The following MAP2K4 variants were observed in gnomAD, a reference collection of about 807,000 sequenced individuals.
MAP2K4 encodes mitogen-activated protein kinase kinase 4.
A neutral mutation model predicts 48.5 loss-of-function variants in MAP2K4; 4 were observed. The ratio of observed to expected loss-of-function variants is 0.08; its 90% CI spans 0.04 to 0.19. MAP2K4 has a LOEUF of 0.19. MAP2K4 is among the 10% of genes least tolerant of loss of function. The pLI, the probability that MAP2K4 is intolerant of heterozygous loss-of-function variation, is 1.00. For synonymous variants in MAP2K4, 166 were observed against 173.1 expected (o/e 0.96, Z 0.32); for missense variants, 258 against 493.3 (o/e 0.52, Z 4.52).
At chr17:12,137,264 G>A (rs1973238442) in intron 9 of MAP2K4, among the ~76,000 whole-genome samples, 2 of 152,168 alleles carry the variant, frequency 1.3e-5, no homozygotes, top group South Asian at 4.1e-4. Flanking sequence ...CATAATTCTT[G>A]AATACTGAAG....
intron 3 of MAP2K4, among the ~76,000 whole-genome samples, chr17:12,094,488 CAA>C (rs973082495): frequency 7.9e-5 from 12 of 152,266 alleles, no homozygotes; most frequent in Admixed American, 3.9e-4. Flanking sequence ...CTTTGGAAGA[CAA>C]AATGCCACCT....
intron 7 of MAP2K4, among the ~76,000 whole-genome samples, chr17:12,116,811 C>T (rs1381177987): frequency 1.3e-5 from 2 of 152,100 alleles, no homozygotes; most frequent in Non-Finnish European, 2.9e-5. Context: ...CTGCCAGAAG[C>T]TGTTGATAAC....
chr17:12,098,438 G>A (rs867713867), intron 4 of MAP2K4, among the ~76,000 whole-genome samples: 1 of 149,366 alleles, frequency 6.7e-6, no homozygotes, highest in Non-Finnish European at 1.5e-5. Context: ...AGATCATGCC[G>A]CTGCAGTCCA....
At position 12,079,419 on chromosome 17, in the gene MAP2K4, A is replaced by G. The variant is rs933048841; in HGVS notation, c.219-1937A>G. 5.3e-5 allele frequency among the ~76,000 whole-genome samples: 8 copies of G among 152,182 alleles called. No individual in the cohort carries two copies. In the East Asian group the frequency reaches 5.8e-4, roughly 11 times the overall value. ...ATGCTAGCATAAGTATTATATAGCA[A>G]TGTAGTCATGAGAGTCATATTATAT... is the stretch of plus-strand genomic sequence containing the variant. On this transcript the variant is annotated intron_variant, in intron 2 of 10. Coordinates refer to ENST00000353533, the MANE Select transcript of MAP2K4 (RefSeq NM_003010.4).
chr17:12,030,828 T>A (rs1000001575), intron 1 of MAP2K4, among the ~76,000 whole-genome samples: 2 of 152,164 alleles, frequency 1.3e-5, no homozygotes, highest in Non-Finnish European at 2.9e-5. Flanking sequence ...TGCTTTAAAG[T>A]TGTTTGTTTC....
At chr17:12,082,812 AC>A (rs1971235792) in intron 3 of MAP2K4, among the ~76,000 whole-genome samples, 1 of 152,246 alleles carries the variant, frequency 6.6e-6, no homozygotes, top group South Asian at 2.1e-4. Flanking sequence ...TTGTATACAA[AC>A]CGTAGACCTC....
intron 1 of MAP2K4, among the ~76,000 whole-genome samples, chr17:12,033,159 A>T (rs542586085): frequency 6.6e-6 from 1 of 152,290 alleles, no homozygotes; most frequent in Admixed American, 6.5e-5. Flanking sequence ...ATTTAAGCTT[A>T]AATGTCATCT....
At chr17:12,113,432 A>G (rs1972373439) in intron 7 of MAP2K4, 72 bp downstream of exon 7, 1 of 1,544,886 alleles carries the variant, frequency 6.5e-7, no homozygotes, top group Non-Finnish European at 8.8e-7. Context: ...TGTGCTGGCC[A>G]TTAGTCATAC....
chr17:12,024,996 A>G (rs1969211504), intron 1 of MAP2K4, among the ~76,000 whole-genome samples: 1 of 152,238 alleles, frequency 6.6e-6, no homozygotes, highest in Non-Finnish European at 1.5e-5. Flanking sequence ...AGAATAGCAT[A>G]TTCTGATTAA....
At chr17:12,121,881 C>T (rs1367270491) in intron 7 of MAP2K4, among the ~76,000 whole-genome samples, 4 of 152,064 alleles carry the variant, frequency 2.6e-5, no homozygotes, top group African/African-American at 4.8e-5. Flanking sequence ...AAAACAGTTG[C>T]AGAATAGAAA....
At chr17:12,029,916 TAA>T (rs796194946) in intron 1 of MAP2K4, among the ~76,000 whole-genome samples, 6 of 139,974 alleles carry the variant, frequency 4.3e-5, no homozygotes, top group Non-Finnish European at 3.1e-5. Context: ...ACCCTGTCTC[TAA>T]AAAAAAAAAA....
chr17:12,050,944 A>T (rs1970122987), intron 1 of MAP2K4, among the ~76,000 whole-genome samples: 1 of 152,130 alleles, frequency 6.6e-6, no homozygotes, highest in South Asian at 2.1e-4. Context: ...TTTTCTCATG[A>T]GAAATTTGAG....
intron 7 of MAP2K4, among the ~76,000 whole-genome samples, chr17:12,123,752 T>G (rs1200126840): frequency 6.6e-6 from 1 of 152,220 alleles, no homozygotes; most frequent in East Asian, 1.9e-4. Flanking sequence ...TTCAATTTTT[T>G]AACTATTTCT....
chr17:12,098,649 A>G (rs1487223196), intron 4 of MAP2K4, among the ~76,000 whole-genome samples: 1 of 152,130 alleles, frequency 6.6e-6, no homozygotes, highest in Non-Finnish European at 1.5e-5. Context: ...TAGACACAAA[A>G]TCTGAGTTCA....
At chr17:12,026,653 A>G (rs1969262572) in intron 1 of MAP2K4, among the ~76,000 whole-genome samples, 1 of 152,174 alleles carries the variant, frequency 6.6e-6, no homozygotes, top group African/African-American at 2.4e-5. Context: ...ACTCTACTGC[A>G]TGGTTCTCTG....
chr17:12,109,512 CT>C, intron 5 of MAP2K4, among the ~76,000 whole-genome samples: 1 of 152,156 alleles, frequency 6.6e-6, no homozygotes, highest in East Asian at 1.9e-4. Flanking sequence ...AATAGTTGGC[CT>C]GTTGTTTAGT....
At chr17:12,114,352 C>A (rs1197149032) in intron 7 of MAP2K4, among the ~76,000 whole-genome samples, 2 of 151,796 alleles carry the variant, frequency 1.3e-5, no homozygotes, top group East Asian at 3.9e-4. Context: ...TATATCTTCC[C>A]ATATCACTTT....
chr17:12,129,201 A>C lies in MAP2K4; in HGVS notation c.954A>C (p.Thr318=), dbSNP rs374357599. The change falls in exon 9 of 11, where the codon ACA becomes ACC. Residue 318 remains threonine (T), a synonymous_variant. Coordinates refer to ENST00000353533, the MANE Select transcript of MAP2K4 (RefSeq NM_003010.4). ...PKWNSVFDQL[T]QVVKGDPPQL... ...GGAATAGTGTATTTGATCAACTAAC[A>C]CAAGTCGTGAAAGGAGATCCTCCGC... is the stretch of plus-strand genomic sequence containing the variant. The C allele has an allele frequency of 6.2e-7, 1 of 1,614,114 alleles. No homozygotes were observed. Among genetic ancestry groups the C allele is most frequent in the African/African-American group, 1.3e-5 (1 of 74,946 alleles).
At chr17:12,134,291 T>C (rs887761620) in intron 9 of MAP2K4, among the ~76,000 whole-genome samples, 1 of 152,156 alleles carries the variant, frequency 6.6e-6, no homozygotes, top group Admixed American at 6.5e-5. Context: ...TTCGGAGAAT[T>C]GTACCTAAGA....
Sources: gnomAD v4.1 joint callset for allele counts (sites outside exome capture counted in the v4.1 genomes callset) on GRCh38, gnomAD v4.1.1 for gene constraint, MANE v1.5 for transcripts, NCBI Gene and HGNC (gene_info 2026-07-23, HGNC 2026-07-21) for gene names.